The following A1CF variants were observed in gnomAD, a reference collection of about 807,000 sequenced individuals.
The protein encoded by A1CF is APOBEC-1 stimulating protein.
A neutral mutation model predicts 68.9 loss-of-function variants in A1CF; 48 were observed. The observed-to-expected ratio is 0.70, with a 90% confidence interval of 0.55 to 0.89. The LOEUF (loss-of-function observed/expected upper bound fraction) is 0.89, where lower values mean the gene tolerates loss of function less well. A1CF is among the 40% of genes least tolerant of loss of function. The pLI, the probability that A1CF is intolerant of heterozygous loss-of-function variation, is 0.00. For missense variants in A1CF, 653 were observed against 718.9 expected, an observed-to-expected ratio of 0.91 and a Z score of 1.05; for synonymous variants, 272 against 260.4, an observed-to-expected ratio of 1.04 and a Z score of -0.43.
rs1335862964 is a variant in A1CF, at chr10:50,853,802, T to TA, written c.99+6039_99+6040insT. Among the ~76,000 whole-genome samples, 80 of 146,156 alleles carry TA rather than the reference T, an allele frequency of 5.5e-4. 2 individuals are homozygous for TA. The highest frequency in any genetic ancestry group is 3.5e-3 in the Middle Eastern group (1 of 284). ...AATAGTTGATATTTTAGGCTTTTTT[T>TA]TAAAAAAAATGCTTAAAATGTAAAA... On this transcript the variant is annotated intron_variant, in intron 3 of 12. Coordinates refer to ENST00000373997, the MANE Select transcript of A1CF (RefSeq NM_014576.4).
chr10:50,873,904 G>A (rs71508062), intron 1 of A1CF, among the ~76,000 whole-genome samples: 2,152 of 152,172 alleles, frequency 0.014, 19 homozygotes, highest in Non-Finnish European at 0.022. Context: ...CTGTCTTAGA[G>A]TTTATCAGAG....
At chr10:50,818,352 T>A (rs12783029) in intron 8 of A1CF, among the ~76,000 whole-genome samples, 29,259 of 151,974 alleles carry the variant, frequency 0.19, 3,245 homozygotes, top group East Asian at 0.46. Flanking sequence ...CTCAAAAACC[T>A]TCATAGTTCC....
At chr10:50,814,110 AC>A in intron 9 of A1CF, 72 bp from the exon 10 acceptor site, 3 of 1,552,888 alleles carry the variant, frequency 1.9e-6, no homozygotes, top group Non-Finnish European at 1.8e-6. Context: ...CCAGAAAATC[AC>A]CCTGAATCTT....
intron 2 of A1CF, among the ~76,000 whole-genome samples, chr10:50,863,174 A>G (rs1320307053): frequency 6.6e-6 from 1 of 152,236 alleles, no homozygotes; most frequent in Non-Finnish European, 1.5e-5. Context: ...TGGAAATAAA[A>G]TTCAAAATTT....
At chr10:50,822,604 A>G (rs1283446746) in intron 7 of A1CF, 1 of 152,234 alleles carries the variant, frequency 6.6e-6, no homozygotes, top group Non-Finnish European at 1.5e-5. Context: ...TCCCTTCAAC[A>G]GTCGACCCTT....
Position 50,850,581 on chromosome 10 carries a change from A to G in A1CF, c.100-6459T>C. 5 of 1,545,402 alleles carry G rather than the reference A, an allele frequency of 3.2e-6. No individual in the cohort carries two copies. In the South Asian group the frequency reaches 3.4e-5, roughly 10 times the overall value. Reference sequence around the variant, plus strand: ...TTCGAGTGTTTTTCAAAATTAGAAAACAAAAAGCATTTGTGTGTGTGTGTG... The same window carrying G: ...TTCGAGTGTTTTTCAAAATTAGAAAGCAAAAAGCATTTGTGTGTGTGTGTG... On this transcript the variant is annotated intron_variant, in intron 3 of 12. Transcript: ENST00000373997.
chr10:50,822,072 T>C (rs1007111929), intron 7 of A1CF, among the ~76,000 whole-genome samples: 12 of 152,164 alleles, frequency 7.9e-5, no homozygotes, highest in Admixed American at 7.9e-4. Context: ...ATTTGGTATT[T>C]TACAAATATT....
At chr10:50,850,612 C>T (rs770043460) in intron 3 of A1CF, 80 of 1,594,320 alleles carry the variant, frequency 5.0e-5, no homozygotes, top group Non-Finnish European at 6.9e-5. Context: ...GTGTGTGTTT[C>T]TGTAAAAGAG....
intron 3 of A1CF, chr10:50,850,730 T>C: frequency 1.2e-6 from 2 of 1,614,196 alleles, no homozygotes; most frequent in Non-Finnish European, 1.7e-6. Flanking sequence ...AGGCCAGGAA[T>C]TGCTGTGCTC....
chr10:50,880,948 T>C (rs1180641374), intron 1 of A1CF, among the ~76,000 whole-genome samples: 2 of 152,098 alleles, frequency 1.3e-5, no homozygotes, highest in African/African-American at 4.8e-5. Flanking sequence ...TCTCTCACCT[T>C]CCACATGGAC....
At chr10:50,854,745 T>C (rs1397892749) in intron 3 of A1CF, among the ~76,000 whole-genome samples, 1 of 151,752 alleles carries the variant, frequency 6.6e-6, no homozygotes, top group East Asian at 1.9e-4. Context: ...TTTTTCTCAA[T>C]AATAGGGACT....
intron 3 of A1CF, among the ~76,000 whole-genome samples, chr10:50,850,339 A>T (rs138442259): frequency 6.6e-6 from 1 of 152,330 alleles, no homozygotes; most frequent in East Asian, 1.9e-4. Context: ...ATTTAATAAT[A>T]TCTTTTAATA....
At chr10:50,829,454 T>C (rs2132399785) in intron 6 of A1CF, among the ~76,000 whole-genome samples, 1 of 152,294 alleles carries the variant, frequency 6.6e-6, no homozygotes, top group Non-Finnish European at 1.5e-5. Context: ...ATTTGTTTAA[T>C]TACTACACAT....
In A1CF at chr10:50,800,564, T is replaced by C. The variant is rs991799009; in HGVS notation, c.*6165A>G. ...ATTAAAGAGAGAAGTAGGAAATATATGTATTTGTATTCACAGTTTCTGGTA... is the reference window on the plus strand; with the variant it reads ...ATTAAAGAGAGAAGTAGGAAATATACGTATTTGTATTCACAGTTTCTGGTA... On this transcript the variant is annotated 3_prime_UTR_variant, in exon 13 of 13. Transcript: ENST00000373997. 4 of 152,168 alleles carry C rather than the reference T, an allele frequency of 2.6e-5. No homozygotes were observed. Among genetic ancestry groups the C allele is most frequent in the African/African-American group, 2.4e-5 (1 of 41,442 alleles). The allele number at this position is 152,168 out of a possible 1,614,324, so 9.4% of individuals were successfully genotyped here.
chr10:50,873,107 C>A (rs916424760), intron 1 of A1CF, among the ~76,000 whole-genome samples: 2 of 151,680 alleles, frequency 1.3e-5, no homozygotes, highest in Non-Finnish European at 2.9e-5. Context: ...AGATGTGTGC[C>A]ACTATGCCTG....
chr10:50,849,838 G>C (rs974988685), intron 3 of A1CF, among the ~76,000 whole-genome samples: 23 of 120,856 alleles, frequency 1.9e-4, no homozygotes, highest in African/African-American at 6.4e-4. Context: ...CTGTCGCCCA[G>C]GCTGGAGTGC....
In A1CF at chr10:50,814,021, C is replaced by T; in HGVS notation, c.1159G>A (p.Gly387Arg). ...PSVRGAAGVRGLGGRGYLAYT... is the reference protein window; with the variant it reads ...PSVRGAAGVRRLGGRGYLAYT... ...GCCAAATAGCCACGGCCGCCCAGTC[C>T]TCTCACTCCCGCAGCCCCTACAGGT... The change falls in exon 10 of 13, where the codon GGA becomes AGA. Residue 387 changes from glycine to arginine, a missense_variant. Transcript: ENST00000373997. The T allele has an allele frequency of 6.2e-7, 1 of 1,613,658 alleles. No homozygotes were observed. Among genetic ancestry groups the T allele is most frequent in the Non-Finnish European group, 8.5e-7 (1 of 1,179,804 alleles).
At chr10:50,811,285 G>T in intron 10 of A1CF, 109 bp from the exon 11 acceptor site, 3 of 1,083,246 alleles carry the variant, frequency 2.8e-6, no homozygotes, top group Non-Finnish European at 3.8e-6. Flanking sequence ...AGTATCTGAA[G>T]ACATAAAATG....
At chr10:50,808,994 A>C (rs1039968009) in intron 12 of A1CF, among the ~76,000 whole-genome samples, 1 of 152,152 alleles carries the variant, frequency 6.6e-6, no homozygotes, top group Non-Finnish European at 1.5e-5. Context: ...GATTTCTTTA[A>C]TAAAAATAAT....
Sources: gnomAD v4.1 joint callset for allele counts (sites outside exome capture counted in the v4.1 genomes callset) on GRCh38, gnomAD v4.1.1 for gene constraint, MANE v1.5 for transcripts, NCBI Gene and HGNC (gene_info 2026-07-23, HGNC 2026-07-21) for gene names.